The following CDH18 variants were observed in gnomAD, a reference collection of about 807,000 sequenced individuals.
CDH18 encodes cadherin-18.
CDH18 carries 31 observed loss-of-function variants against 67.9 expected under a neutral mutation model. The observed-to-expected ratio is 0.46, with a 90% CI of 0.34 to 0.62. The LOEUF is 0.62. Ranked by LOEUF, CDH18 falls within the 20% of genes least tolerant of loss-of-function variation. The probability of loss-of-function intolerance (pLI) is 0.01; values close to 1 mark genes in which losing one functional copy is unlikely to be tolerated. For synonymous variants in CDH18, 362 were observed against 347.2 expected, an observed-to-expected ratio of 1.04 and a Z score of -0.48; for missense variants, 890 against 975.5, an observed-to-expected ratio of 0.91 and a Z score of 1.17.
intron 5 of CDH18, among the ~76,000 whole-genome samples, chr5:19,693,577 C>G (rs1762175251): frequency 6.6e-6 from 1 of 152,124 alleles, no homozygotes; most frequent in South Asian, 2.1e-4. Context: ...TGTCTACAAA[C>G]TAAGGCATTG....
intron 1 of CDH18, among the ~76,000 whole-genome samples, chr5:20,292,793 A>G (rs964124574): frequency 3.3e-5 from 5 of 152,042 alleles, no homozygotes; most frequent in Admixed American, 1.3e-4. Flanking sequence ...ATATGTCTTC[A>G]TATCATCTTC....
At position 19,620,152 on chromosome 5, in the gene CDH18, C is replaced by T. The variant is rs138799179; in HGVS notation, c.644-7551G>A. Among the ~76,000 whole-genome samples, 212 of 152,244 alleles carry T rather than the reference C, an allele frequency of 1.4e-3. 1 individual carries two copies. Among genetic ancestry groups the T allele is most frequent in the African/African-American group, 5.0e-3 (206 of 41,560 alleles). ...GCTTTAGTAGGAAGATTCAATACTT[C>T]TCTATATGTTTTTTCTCTTCCTACC... On this transcript the variant is annotated intron_variant, in intron 5 of 12. Transcript: ENST00000382275.
chr5:20,495,136 A>AT (rs982417756), intron 1 of CDH18, among the ~76,000 whole-genome samples: 61 of 152,090 alleles, frequency 4.0e-4, no homozygotes, highest in African/African-American at 1.4e-3. Flanking sequence ...GGAGTTTATC[A>AT]TTTTTTTCTC....
intron 2 of CDH18, among the ~76,000 whole-genome samples, chr5:20,199,688 G>A (rs1267382631): frequency 6.6e-6 from 1 of 152,110 alleles, no homozygotes; most frequent in Non-Finnish European, 1.5e-5. Context: ...AAATGATGTG[G>A]TTTGGCTGTT....
chr5:19,909,133 G>A (rs1172392425), intron 2 of CDH18, among the ~76,000 whole-genome samples: 2 of 152,074 alleles, frequency 1.3e-5, no homozygotes, highest in Admixed American at 1.3e-4. Flanking sequence ...CTACATTTAT[G>A]GAGGAAATGC....
intron 2 of CDH18, among the ~76,000 whole-genome samples, chr5:20,025,358 TAATC>T (rs1445696022): frequency 6.6e-6 from 1 of 152,172 alleles, no homozygotes; most frequent in Non-Finnish European, 1.5e-5. Flanking sequence ...TTTAAATTAA[TAATC>T]AATAATTACA....
At chr5:20,364,385 A>G (rs1742344572) in intron 1 of CDH18, among the ~76,000 whole-genome samples, 1 of 152,204 alleles carries the variant, frequency 6.6e-6, no homozygotes, top group Non-Finnish European at 1.5e-5. Context: ...TGAAGACATT[A>G]TCTCAGGAGA....
At position 20,275,237 on chromosome 5, in the gene CDH18, G is replaced by A. The variant is rs1259623869; in HGVS notation, c.-579-19732C>T. Among the ~76,000 whole-genome samples, 8 of 152,168 alleles carry A rather than the reference G, an allele frequency of 5.3e-5. No individual in the cohort carries two copies. The East Asian group carries it at 9.7e-4, about 18-fold the overall frequency. The stretch of plus-strand genomic sequence containing the variant: ...AATGGGAGGTGATTGGATCATGAGG[G>A]TGGATCTCCCCCATGTTGTTCTTGT... On this transcript the variant is annotated intron_variant, in intron 1 of 14. Coordinates refer to the CDH18 transcript ENST00000507958.
intron 1 of CDH18, among the ~76,000 whole-genome samples, chr5:20,391,555 A>G (rs974325466): frequency 2.0e-5 from 3 of 152,016 alleles, no homozygotes; most frequent in Admixed American, 6.6e-5. Flanking sequence ...CCTATGTTCT[A>G]TTTACTAAGT....
intron 9 of CDH18, among the ~76,000 whole-genome samples, chr5:19,536,127 T>C (rs1185054473): frequency 6.6e-6 from 1 of 152,152 alleles, no homozygotes; most frequent in Non-Finnish European, 1.5e-5. Flanking sequence ...TTGACAATAC[T>C]ATGATGAACA....
chr5:20,493,053 T>C (rs892772901), intron 1 of CDH18, among the ~76,000 whole-genome samples: 1 of 152,076 alleles, frequency 6.6e-6, no homozygotes, highest in Non-Finnish European at 1.5e-5. Context: ...AAAAACTTTA[T>C]GAAATATGTT....
chr5:19,815,680 GA>G (rs1302252016), intron 3 of CDH18, among the ~76,000 whole-genome samples: 14 of 152,004 alleles, frequency 9.2e-5, no homozygotes, highest in Admixed American at 9.2e-4. Flanking sequence ...TTTCATTAAG[GA>G]ACTGGATATC....
chr5:20,038,965 C>T (rs910863594), intron 2 of CDH18, among the ~76,000 whole-genome samples: 27 of 152,174 alleles, frequency 1.8e-4, no homozygotes, highest in African/African-American at 6.5e-4. Flanking sequence ...AGCCCAAAAT[C>T]TCCTTAAGCT....
intron 1 of CDH18, among the ~76,000 whole-genome samples, chr5:20,504,150 A>G (rs556867452): frequency 5.3e-5 from 8 of 152,310 alleles, no homozygotes; most frequent in Admixed American, 4.6e-4. Flanking sequence ...ACTATTGGAT[A>G]TATAATATGA....
intron 2 of CDH18, among the ~76,000 whole-genome samples, chr5:20,077,360 T>C (rs1271979351): frequency 3.3e-5 from 5 of 152,194 alleles, no homozygotes; most frequent in Admixed American, 2.0e-4. Flanking sequence ...ACCAGACAAA[T>C]TGTCGTGCTA....
At chr5:19,756,111 CTAACG>C (rs1158042109) in intron 3 of CDH18, among the ~76,000 whole-genome samples, 1 of 152,040 alleles carries the variant, frequency 6.6e-6, no homozygotes, top group Non-Finnish European at 1.5e-5. Flanking sequence ...ATAATTACAC[CTAACG>C]TAATACAACT....
In CDH18 at chr5:20,330,825, G is replaced by A. The variant is rs139463133; in HGVS notation, c.-579-75320C>T. Reference sequence around the variant, plus strand: ...GATCTCTCAAGTCACCAGCTTGGCCGTCTGCCAAGTGTATTTTACTTCTGT... The same window carrying A: ...GATCTCTCAAGTCACCAGCTTGGCCATCTGCCAAGTGTATTTTACTTCTGT... On this transcript the variant is annotated intron_variant, in intron 1 of 14. Transcript: ENST00000507958. Among the ~76,000 whole-genome samples, 641 of 152,264 alleles carry A rather than the reference G, an allele frequency of 4.2e-3. 1 individual carries two copies. Among genetic ancestry groups the A allele is most frequent in the African/African-American group, 0.014 (600 of 41,552 alleles).
At position 19,587,056 on chromosome 5, in the gene CDH18, G is replaced by GT. The variant is rs754910151; in HGVS notation, c.999+4000dup. Among the ~76,000 whole-genome samples, 628 of 148,488 alleles carry GT rather than the reference G, an allele frequency of 4.2e-3. 2 individuals are homozygous for GT. Among genetic ancestry groups the GT allele is most frequent in the African/African-American group, 0.014 (559 of 40,582 alleles). ...TGTCCTTTGCCCACTTTTTAATGAG[G>GT]TTTTTTTTTTCTTGCAAATACATTT... On this transcript the variant is annotated intron_variant, in intron 7 of 12. Transcript: ENST00000382275.
intron 4 of CDH18, among the ~76,000 whole-genome samples, chr5:19,736,054 A>C (rs984075055): frequency 4.6e-5 from 7 of 152,254 alleles, no homozygotes; most frequent in African/African-American, 1.7e-4. Flanking sequence ...ACAACTATGA[A>C]AATTAAGTGA....
Sources: gnomAD v4.1 joint callset for allele counts (sites outside exome capture counted in the v4.1 genomes callset) on GRCh38, gnomAD v4.1.1 for gene constraint, MANE v1.5 for transcripts, NCBI Gene and HGNC (gene_info 2026-07-23, HGNC 2026-07-21) for gene names.